Variants in KSR2 observed in about 807,000 individuals in gnomAD.
KSR2 encodes the protein kinase suppressor of ras 2.
KSR2 carries 25 observed loss-of-function variants against 107.8 expected under a neutral mutation model. The ratio of observed to expected loss-of-function variants is 0.23; its 90% CI spans 0.17 to 0.32. The LOEUF (loss-of-function observed/expected upper bound fraction) is 0.32. KSR2 is among the 10% of genes least tolerant of loss of function. The pLI is 1.00. For missense variants in KSR2, 887 were observed against 1,268.9 expected (o/e 0.70, Z 4.57); for synonymous variants, 480 against 507.0 (o/e 0.95, Z 0.71).
chr12:117,453,490 G>A lies in KSR2; in HGVS notation c.*13709C>T, dbSNP rs1002350269. ...AGAAAAGAATATGGACCATCGGTCC[G>A]CGTTGGTCTGTACAAGAATTAGTCT... is the stretch of plus-strand genomic sequence containing the variant. On this transcript the variant is annotated 3_prime_UTR_variant, in exon 20 of 20. Coordinates refer to ENST00000339824, the MANE Select transcript of KSR2 (RefSeq NM_173598.6). 3.9e-5 allele frequency: 6 copies of A among 152,418 alleles called. No homozygotes were observed. Among genetic ancestry groups the A allele is most frequent in the Non-Finnish European group, 5.9e-5 (4 of 68,010 alleles). The allele number at this position is 152,418 out of a possible 1,614,324, so 9.4% of individuals were successfully genotyped here. A position where few individuals can be genotyped will look rare whatever the true frequency, so the allele number is the denominator to read the frequency against.
At position 117,454,135 on chromosome 12, in the gene KSR2, GC is replaced by G. The variant is rs568054356; in HGVS notation, c.*13063del. The stretch of plus-strand genomic sequence containing the variant: ...TTCATTTGGGTGATTGAGAAGAAAA[GC>G]CACATTGATGAAGCACCTACTGTGT... On this transcript the variant is annotated 3_prime_UTR_variant, in exon 20 of 20. Coordinates refer to ENST00000339824, the MANE Select transcript of KSR2 (RefSeq NM_173598.6). 9 of 152,300 alleles carry G rather than the reference GC, an allele frequency of 5.9e-5. No individual in the cohort carries two copies. The East Asian group carries it at 1.7e-3, about 29-fold the overall frequency. The allele number at this position is 152,300 out of a possible 1,614,324, so 9.4% of individuals were successfully genotyped here. A position where few individuals can be genotyped will look rare whatever the true frequency, so the allele number is the denominator to read the frequency against.
At chr12:117,679,218 T>TATCACCAGCACTCCATGTGC (rs1480931752) in intron 4 of KSR2, among the ~76,000 whole-genome samples, 1 of 152,206 alleles carries the variant, frequency 6.6e-6, no homozygotes, top group African/African-American at 2.4e-5. Context: ...TTTAGGTTGC[T>TATCACCAGCACTCCATGTGC]ATCACCAGCA....
intron 3 of KSR2, among the ~76,000 whole-genome samples, chr12:117,785,414 CAAAAAAAAA>C (rs374881532): frequency 8.6e-4 from 32 of 37,414 alleles, no homozygotes; most frequent in South Asian, 2.4e-3. Flanking sequence ...GACTCCATCT[CAAAAAAAAA>C]AAAAAAAAAA....
intron 4 of KSR2, among the ~76,000 whole-genome samples, chr12:117,728,867 G>A (rs912369267): frequency 6.6e-6 from 1 of 152,154 alleles, no homozygotes; most frequent in Non-Finnish European, 1.5e-5. Context: ...CATGAACTTT[G>A]GCATCTGAGA....
intron 4 of KSR2, among the ~76,000 whole-genome samples, chr12:117,737,023 G>A (rs990143503): frequency 3.3e-5 from 5 of 152,080 alleles, no homozygotes; most frequent in Admixed American, 2.0e-4. Context: ...GTTATCCAAC[G>A]ACACTTAAAT....
chr12:117,510,613 A>C lies in KSR2; in HGVS notation c.2219+14239T>G, dbSNP rs574173280. ...TGCGACAGGCCGGGAGCAGTGGCTCATGCCTGTAATCCCAGCACTTTGGGA... is the reference window on the plus strand; with the variant it reads ...TGCGACAGGCCGGGAGCAGTGGCTCCTGCCTGTAATCCCAGCACTTTGGGA... On this transcript the variant is annotated intron_variant, in intron 14 of 19. Transcript: ENST00000339824. Among the ~76,000 whole-genome samples the C allele has an allele frequency of 2.6e-5, 4 of 152,236 alleles. No homozygotes were observed. The South Asian group carries it at 6.2e-4, about 24-fold the overall frequency.
At chr12:117,727,211 A>AT (rs548193370) in intron 4 of KSR2, among the ~76,000 whole-genome samples, 18 of 144,178 alleles carry the variant, frequency 1.2e-4, no homozygotes, top group Admixed American at 9.0e-4. Context: ...CCCCATCTCT[A>AT]TAAAAAAAAA....
At chr12:117,622,839 T>C (rs1401678676) in intron 5 of KSR2, among the ~76,000 whole-genome samples, 2 of 152,240 alleles carry the variant, frequency 1.3e-5, no homozygotes, top group Non-Finnish European at 2.9e-5. Context: ...GTTCCATATA[T>C]GGTGCTGAAT....
intron 1 of KSR2, among the ~76,000 whole-genome samples, chr12:117,933,088 G>A (rs1342073711): frequency 6.6e-6 from 1 of 152,104 alleles, no homozygotes; most frequent in Non-Finnish European, 1.5e-5. Flanking sequence ...TACCATTTGG[G>A]GGTTCTTCCC....
At chr12:117,857,378 A>C (rs892219287) in intron 2 of KSR2, among the ~76,000 whole-genome samples, 1 of 152,198 alleles carries the variant, frequency 6.6e-6, no homozygotes. Context: ...GAAGGTACAG[A>C]ATGACTCATG....
chr12:117,586,630 A>AAAGAAAGC (rs1420201432), intron 5 of KSR2, among the ~76,000 whole-genome samples: 1 of 2,606 alleles, frequency 3.8e-4, no homozygotes, highest in Non-Finnish European at 5.7e-4. Context: ...AAAGAAAGAA[A>AAAGAAAGC]AAGAAAGAAA....
intron 4 of KSR2, 51 bp downstream of exon 4, chr12:117,760,960 C>T (rs1022978504): frequency 2.5e-5 from 40 of 1,607,672 alleles, no homozygotes; most frequent in Non-Finnish European, 3.4e-5. Flanking sequence ...AGGGGCAGCC[C>T]CTCGCAGGCC....
chr12:117,874,806 TGAA>T lies in KSR2; in HGVS notation c.181-14378_181-14376del, dbSNP rs1188737106. Among the ~76,000 whole-genome samples the T allele has an allele frequency of 8.6e-5, 13 of 150,362 alleles. No individual in the cohort carries two copies. The East Asian group carries it at 1.2e-3, about 14-fold the overall frequency. On this transcript the variant is annotated intron_variant, in intron 1 of 19. Transcript: ENST00000339824. The stretch of plus-strand genomic sequence containing the variant: ...AATTCAAGTCCATGCAGAGCCAAAC[TGAA>T]GAAGAAGAAGAAAAAAAAAAACCCA...
chr12:117,649,418 T>A (rs1175171113), intron 5 of KSR2, among the ~76,000 whole-genome samples: 1 of 152,174 alleles, frequency 6.6e-6, no homozygotes, highest in Non-Finnish European at 1.5e-5. Flanking sequence ...CCAATGAGGA[T>A]TAAAGCTGAC....
chr12:117,876,668 T>C (rs1696258052), intron 1 of KSR2, among the ~76,000 whole-genome samples: 1 of 151,498 alleles, frequency 6.6e-6, no homozygotes, highest in South Asian at 2.1e-4. Flanking sequence ...ATATTTATAC[T>C]ATATATGTAT....
rs942645236 is a variant in KSR2, at chr12:117,529,016, C to T, written c.1803-1897G>A. The stretch of plus-strand genomic sequence containing the variant: ...TAGATGTCAGCACCATATCCCCCGG[C>T]AAGTTGCTGCTCCTTTGATTTCAGA... On this transcript the variant is annotated intron_variant, in intron 12 of 19. Transcript: ENST00000339824. 2.0e-5 allele frequency among the ~76,000 whole-genome samples: 3 copies of T among 152,180 alleles called. No homozygotes were observed. In the East Asian group the frequency reaches 5.8e-4, roughly 29 times the overall value.
chr12:117,494,758 A>C (rs1275537332), intron 14 of KSR2, among the ~76,000 whole-genome samples: 1 of 152,212 alleles, frequency 6.6e-6, no homozygotes, highest in African/African-American at 2.4e-5. Context: ...TATTGGATAG[A>C]GAGTAGATGG....
At chr12:117,712,794 G>A (rs887240454) in intron 4 of KSR2, among the ~76,000 whole-genome samples, 20 of 151,994 alleles carry the variant, frequency 1.3e-4, no homozygotes, top group African/African-American at 4.8e-4. Flanking sequence ...TTCAGAGATC[G>A]ATAGATACAG....
chr12:117,579,056 C>T (rs1565909828), intron 7 of KSR2, 63 bp downstream of exon 7: 1 of 1,164,360 alleles, frequency 8.6e-7, no homozygotes, highest in South Asian at 1.3e-5. Flanking sequence ...CTGTTCAGTG[C>T]CCTGCATGGT....
Sources: gnomAD v4.1 joint callset for allele counts (sites outside exome capture counted in the v4.1 genomes callset) on GRCh38, gnomAD v4.1.1 for gene constraint, MANE v1.5 for transcripts, NCBI Gene and HGNC (gene_info 2026-07-23, HGNC 2026-07-21) for gene names.